The following TRRAP variants were observed in gnomAD, a reference collection of about 807,000 sequenced individuals.
TRRAP encodes the protein transformation/transcription domain-associated protein.
TRRAP carries 41 observed loss-of-function variants against 438.8 expected under a neutral mutation model. The observed-to-expected ratio is 0.09, with a 90% CI of 0.07 to 0.12. TRRAP has a LOEUF of 0.12. Ranked by LOEUF, TRRAP falls within the 10% of genes least tolerant of loss-of-function variation. The pLI, the probability that TRRAP is intolerant of heterozygous loss-of-function variation, is 1.00. For synonymous variants in TRRAP, 1,994 were observed against 1,962.9 expected, an observed-to-expected ratio of 1.02 and a Z score of -0.42; for missense variants, 3,122 against 5,055.1, an observed-to-expected ratio of 0.62 and a Z score of 11.60.
chr7:98,933,917 A>T (rs1554413602), intron 27 of TRRAP, among the ~76,000 whole-genome samples: 1 of 152,256 alleles, frequency 6.6e-6, no homozygotes, highest in Non-Finnish European at 1.5e-5. Flanking sequence ...ACCCAAAGCC[A>T]CAGGGCAGGT....
At position 98,976,572 on chromosome 7, in the gene TRRAP, G is replaced by T; in HGVS notation, c.8049G>T (p.Val2683=). 1 of 1,614,182 alleles carries T rather than the reference G, an allele frequency of 6.2e-7. No homozygotes were observed. The highest frequency in any genetic ancestry group is 8.5e-7 in the Non-Finnish European group (1 of 1,180,030). ...AGCCCAGCGCGCTGAACTGCTTTGT[G>T]GAAGCCATGTCCCAGTGCGTGCCGC... ...DCQPSALNCF[V]EAMSQCVPPI... Residue 2683 remains valine (V), a synonymous_variant, in exon 55 of 73, where the codon GTG becomes GTT. Coordinates refer to ENST00000456197, the MANE Select transcript of TRRAP (RefSeq NM_001375524.1). The surrounding 1 kb of genome is among the most constrained non-coding windows in gnomAD (Gnocchi z 4.6).
At chr7:98,992,349 C>G (rs575913796) in intron 65 of TRRAP, 122 bp downstream of exon 65, 1 of 1,006,540 alleles carries the variant, frequency 9.9e-7, no homozygotes, top group Non-Finnish European at 1.5e-6. Context: ...CGTGGCCAAT[C>G]TCTCCTCAGT....
chr7:98,958,788 T>C (rs759819224), intron 44 of TRRAP, among the ~76,000 whole-genome samples: 1 of 152,186 alleles, frequency 6.6e-6, no homozygotes, highest in Non-Finnish European at 1.5e-5. Flanking sequence ...AAGGGTGAGA[T>C]GATCCAACCT....
At chr7:98,967,799 G>C in intron 51 of TRRAP, 101 bp downstream of exon 51, 2 of 1,047,958 alleles carry the variant, frequency 1.9e-6, no homozygotes, top group Non-Finnish European at 2.8e-6. Flanking sequence ...AGATGAATTG[G>C]AAATCTCCAG....
At chr7:98,891,921 C>A (rs1188355310) in intron 4 of TRRAP, among the ~76,000 whole-genome samples, 1 of 152,152 alleles carries the variant, frequency 6.6e-6, no homozygotes, top group Non-Finnish European at 1.5e-5. Context: ...TTATATCATG[C>A]CAGTGTGAGA....
chr7:98,892,406 T>C lies in TRRAP; in HGVS notation c.262-18T>C, dbSNP rs782804750. ...GGAAGTATTTTTATCCTTACATTTA[T>C]TTATTTTTTCTTGCCAGCAACTGCG... On this transcript the variant is annotated intron_variant, in intron 4 of 72. Coordinates refer to ENST00000456197, the MANE Select transcript of TRRAP (RefSeq NM_001375524.1). The C allele has an allele frequency of 6.3e-7, 1 of 1,588,790 alleles. No homozygotes were observed. Among genetic ancestry groups the C allele is most frequent in the Non-Finnish European group, 8.6e-7 (1 of 1,158,806 alleles).
intron 18 of TRRAP, among the ~76,000 whole-genome samples, chr7:98,915,401 A>G (rs1789476377): frequency 6.6e-6 from 1 of 152,158 alleles, no homozygotes; most frequent in Admixed American, 6.5e-5. Context: ...CATGTTGGCC[A>G]GGCTGATCTC....
intron 26 of TRRAP, 83 bp downstream of exon 26, chr7:98,931,748 C>G: frequency 6.5e-7 from 1 of 1,540,844 alleles, no homozygotes; most frequent in Non-Finnish European, 8.8e-7. Context: ...GGTGATACTC[C>G]GTTTATAATT....
chr7:98,894,650 TTGC>T (rs1796117021), intron 6 of TRRAP, among the ~76,000 whole-genome samples: 1 of 151,674 alleles, frequency 6.6e-6, no homozygotes, highest in Non-Finnish European at 1.5e-5. Context: ...TCTTCCTCTG[TTGC>T]TCAGGCTGGA....
Position 98,908,583 on chromosome 7 carries a change from G to C in TRRAP, c.1116-145G>C. 1 of 660,690 alleles carries C rather than the reference G, an allele frequency of 1.5e-6. No homozygotes were observed. The allele number at this position is 660,690 out of a possible 1,614,324, so 40.9% of individuals were successfully genotyped here. The stretch of plus-strand genomic sequence containing the variant: ...GAGCCCTCTTCTGTCATGTATCTGG[G>C]AGAGAGTAATGTGGTGAAAATGGGC... On this transcript the variant is annotated intron_variant, in intron 13 of 72. Transcript: ENST00000456197. The surrounding 1 kb of genome is among the most constrained non-coding windows in gnomAD (Gnocchi z 4.1).
At chr7:98,980,390 G>C (rs200584117) in intron 58 of TRRAP, among the ~76,000 whole-genome samples, 2 of 146,062 alleles carry the variant, frequency 1.4e-5, no homozygotes, top group Non-Finnish European at 3.0e-5. Context: ...TCTAATCACA[G>C]AGATGTTTGA....
chr7:98,962,030 T>A (rs796441155), intron 46 of TRRAP, among the ~76,000 whole-genome samples: 14 of 152,384 alleles, frequency 9.2e-5, no homozygotes, highest in African/African-American at 3.4e-4. Flanking sequence ...GTATTAAAAG[T>A]ATTCAAATGT....
In TRRAP at chr7:98,994,583, C is replaced by T; in HGVS notation, c.10048-4C>T. The T allele has an allele frequency of 3.7e-6, 6 of 1,613,926 alleles. No homozygotes were observed. The highest frequency in any genetic ancestry group is 5.1e-6 in the Non-Finnish European group (6 of 1,179,934). ...GTCAGTTGTCTCTGGCTCTTTTCTA[C>T]CAGGTTCTCAGGCAGCTCCAACAGG... is the stretch of plus-strand genomic sequence containing the variant. On this transcript the variant is annotated splice_region_variant and splice_polypyrimidine_tract_variant and intron_variant, in intron 66 of 72. Coordinates refer to ENST00000456197, the MANE Select transcript of TRRAP (RefSeq NM_001375524.1). This position sits in a 1 kb window ranked among gnomAD's most constrained non-coding sequence, Gnocchi z 4.8.
At position 98,950,185 on chromosome 7, in the gene TRRAP, A is replaced by G; in HGVS notation, c.5257A>G (p.Ile1753Val). 1.9e-6 allele frequency: 3 copies of G among 1,614,214 alleles called. No individual in the cohort carries two copies. The highest frequency in any genetic ancestry group is 2.5e-6 in the Non-Finnish European group (3 of 1,180,032). The part of the protein sequence containing the change: ...MEEEIPKNYS[I>V]AQKRALFFRF... ...GGAAGAGATTCCCAAAAATTACAGC[A>G]TCGCTCAGAAACGTGCCCTGTTCTT... Residue 1753 changes from isoleucine to valine, a missense_variant, in exon 38 of 73, where the codon ATC becomes GTC. Transcript: ENST00000456197.
In TRRAP at chr7:98,911,028, G is replaced by A. The variant is rs782266653; in HGVS notation, c.1813-49G>A. Reference sequence around the variant, plus strand: ...CTGGTTACATAATGGAACATATTCAGAGAGGTTCAGTTTTAATGCCTGTGG... The same window carrying A: ...CTGGTTACATAATGGAACATATTCAAAGAGGTTCAGTTTTAATGCCTGTGG... On this transcript the variant is annotated intron_variant, in intron 16 of 72. Transcript: ENST00000456197. The A allele has an allele frequency of 9.7e-6, 15 of 1,545,834 alleles. No homozygotes were observed. The South Asian group carries it at 1.8e-4, about 18-fold the overall frequency.
At chr7:98,906,130 G>A (rs1554407480) in intron 12 of TRRAP, 47 bp from the exon 13 acceptor site, 4 of 1,552,416 alleles carry the variant, frequency 2.6e-6, no homozygotes, top group Admixed American at 1.7e-5. Context: ...TTTAATGTGT[G>A]TAATTGGTTT....
At position 98,955,319 on chromosome 7, in the gene TRRAP, C is replaced by A. The variant is rs782605459; in HGVS notation, c.5937+15C>A. 2.5e-6 allele frequency: 4 copies of A among 1,592,472 alleles called. No individual in the cohort carries two copies. The highest frequency in any genetic ancestry group is 3.4e-6 in the Non-Finnish European group (4 of 1,163,914). On this transcript the variant is annotated intron_variant, in intron 41 of 72. Transcript: ENST00000456197. ...AACACTTCAAGGTGTGTAGGAGGGA[C>A]GGTGGGCTGCGGGGCGCGCGTCTTC...
chr7:99,006,215 CTT>C (rs1794158524), intron 69 of TRRAP, among the ~76,000 whole-genome samples: 2 of 152,166 alleles, frequency 1.3e-5, no homozygotes, highest in Non-Finnish European at 2.9e-5. Flanking sequence ...ACTTTGATGA[CTT>C]TTTAGCATGT....
Position 99,011,965 on chromosome 7 carries a change from G to T in TRRAP, c.11338-106G>T. ...TGGTGCTGAAACTCGACTGGCCCTT[G>T]GTGGCCCTGAGCGGCCGCTGTGGTT... On this transcript the variant is annotated intron_variant, in intron 72 of 72. Transcript: ENST00000456197. This position sits in a 1 kb window ranked among gnomAD's most constrained non-coding sequence, Gnocchi z 7.1. The T allele has an allele frequency of 7.0e-7, 1 of 1,422,300 alleles. No homozygotes were observed. Among genetic ancestry groups the T allele is most frequent in the Non-Finnish European group, 9.5e-7 (1 of 1,048,676 alleles). 88.1% of individuals were successfully genotyped at this position (1,422,300 alleles called of 1,614,324 possible).
Sources: gnomAD v4.1 joint callset for allele counts (sites outside exome capture counted in the v4.1 genomes callset) on GRCh38, gnomAD v4.1.1 for gene constraint, Gnocchi (gnomAD v3.1) non-coding constraint, MANE v1.5 for transcripts, NCBI Gene and HGNC (gene_info 2026-07-23, HGNC 2026-07-21) for gene names.